TLE2: variants seen among roughly 807,000 people sequenced by gnomAD.
TLE2 encodes the protein TLE family member 2, transcriptional corepressor.
In TLE2, 74 loss-of-function variants were observed where a neutral mutation model predicts 97.2. That is an observed-to-expected ratio of 0.76 (90% CI 0.63 to 0.92). The LOEUF (loss-of-function observed/expected upper bound fraction) is 0.92, where lower values mean the gene tolerates loss of function less well. Ranked by LOEUF, TLE2 falls within the 40% of genes least tolerant of loss-of-function variation. TLE2 has a pLI of 0.00. For synonymous variants in TLE2, 499 were observed against 432.1 expected (o/e 1.15, Z -1.92); for missense variants, 1,038 against 1,008.7 (o/e 1.03, Z -0.39).
At chr19:3,006,769 T>C in intron 14 of TLE2, 100 bp from the exon 15 acceptor site, 1 of 1,451,872 alleles carries the variant, frequency 6.9e-7, no homozygotes, top group South Asian at 1.5e-5. Context: ...TGGCACCCTC[T>C]GATGTGTTTT....
intron 5 of TLE2, among the ~76,000 whole-genome samples, chr19:3,024,115 C>T (rs1009521913): frequency 2.0e-5 from 3 of 151,238 alleles, no homozygotes; most frequent in Admixed American, 6.6e-5. Context: ...ATTCTCCTGC[C>T]TCAGCCTCCC....
chr19:3,005,762 G>A lies in TLE2; in HGVS notation c.1707C>T (p.Gly569=), dbSNP rs376643500. ...TCTGCAGGTCCCAGACCACAATGTT[G>A]CCATCGCTGCAGCAGGAGAAGCAAA... is the stretch of plus-strand genomic sequence containing the variant. ...AKVCFSCCSD[G]NIVVWDLQNQ... is the part of the protein sequence containing the mutation. The change falls in exon 16 of 20, where the codon GGC becomes GGT. Residue 569 remains glycine (G), a synonymous_variant. Transcript: ENST00000262953. 4 of 1,613,836 alleles carry A rather than the reference G, an allele frequency of 2.5e-6. No homozygotes were observed. The highest frequency in any genetic ancestry group is 3.4e-6 in the Non-Finnish European group (4 of 1,179,876).
In TLE2 at chr19:3,002,345, A is replaced by C; in HGVS notation, c.2047+8T>G. On this transcript the variant is annotated splice_region_variant and intron_variant, in intron 18 of 19. Coordinates refer to ENST00000262953, the MANE Select transcript of TLE2 (RefSeq NM_003260.5). Reference sequence around the variant, plus strand: ...TGAGGGCGTGCCACCCCGCCCCAGAAGACACACCGCAGGAGGCAAACTTCA... The same window carrying C: ...TGAGGGCGTGCCACCCCGCCCCAGACGACACACCGCAGGAGGCAAACTTCA... 1 of 1,603,364 alleles carries C rather than the reference A, an allele frequency of 6.2e-7. No individual in the cohort carries two copies. The highest frequency in any genetic ancestry group is 8.5e-7 in the Non-Finnish European group (1 of 1,173,338).
chr19:3,018,820 G>T (rs568307362), intron 7 of TLE2, among the ~76,000 whole-genome samples: 42 of 151,838 alleles, frequency 2.8e-4, no homozygotes, highest in East Asian at 7.8e-4. Context: ...GTTTTCCCAT[G>T]TTGGCCAGGC....
At chr19:3,004,740 A>G (rs1480469592) in intron 17 of TLE2, among the ~76,000 whole-genome samples, 3 of 152,082 alleles carry the variant, frequency 2.0e-5, no homozygotes, top group Admixed American at 2.0e-4. Context: ...CAGAAAGAAG[A>G]GAAAGGCATT....
At chr19:3,029,283 G>GGAGCCGCGGGCT (rs1346059179), upstream of TLE2, 2 of 211,978 alleles carry the variant, frequency 9.4e-6, no homozygotes, top group African/African-American at 4.8e-5. Flanking sequence ...GGCTCGGCCG[G>GGAGCCGCGGGCT]GAGCCGCGGG....
rs1340594100 is a variant in TLE2, at chr19:3,015,892, T to G, written c.571-132A>C. ...GACCTCAAGCTTCCCATCTGGGAAATGGGAGCTTCCAACGGCTGACTCAGT... is the reference window on the plus strand; with the variant it reads ...GACCTCAAGCTTCCCATCTGGGAAAGGGGAGCTTCCAACGGCTGACTCAGT... On this transcript the variant is annotated intron_variant, in intron 8 of 19. Transcript: ENST00000262953. 5 of 729,912 alleles carry G rather than the reference T, an allele frequency of 6.9e-6. No individual in the cohort carries two copies. In the Admixed American group the frequency reaches 1.0e-4, roughly 15 times the overall value. 45.2% of individuals were successfully genotyped at this position (729,912 alleles called of 1,614,324 possible).
At chr19:3,006,287 TCCGCCCCTCACCTATAAGCC>T in intron 15 of TLE2, 113 bp downstream of exon 15, 1 of 1,390,068 alleles carries the variant, frequency 7.2e-7, no homozygotes, top group South Asian at 1.3e-5. Context: ...GACTACGAGC[TCCGCCCCTCACCTATAAGCC>T]CCGCCCTTCA....
rs1488062486 is a variant in TLE2, at chr19:3,013,760, C to T, written c.782G>A (p.Cys261Tyr). ...ATTPCGKVPI[C>Y]IPARRDLVDS... ...CACCAGGTCCCGACGGGCAGGAATGCAGATGGGTACCTTTCCGCAGGGGGT... is the reference window on the plus strand; with the variant it reads ...CACCAGGTCCCGACGGGCAGGAATGTAGATGGGTACCTTTCCGCAGGGGGT... The change falls in exon 11 of 20, where the codon TGC becomes TAC. Residue 261 changes from cysteine to tyrosine, a missense_variant. Coordinates refer to ENST00000262953, the MANE Select transcript of TLE2 (RefSeq NM_003260.5). 1 of 1,561,762 alleles carries T rather than the reference C, an allele frequency of 6.4e-7. No homozygotes were observed. The highest frequency in any genetic ancestry group is 2.5e-5 in the East Asian group (1 of 39,316).
chr19:3,031,675 C>T (rs1346604500), upstream of TLE2, among the ~76,000 whole-genome samples: 1 of 152,128 alleles, frequency 6.6e-6, no homozygotes, highest in Non-Finnish European at 1.5e-5. Context: ...CCCTCACTCA[C>T]TCTGCCCAAG....
rs200647783 is a variant in TLE2 at position 2,997,868 on chromosome 19, C to T, written c.2212G>A (p.Val738Met). 6.2e-5 allele frequency: 100 copies of T among 1,610,188 alleles called. No homozygotes were observed. In the African/African-American group the frequency reaches 1.1e-3, roughly 17 times the overall value. The change falls in exon 20 of 20, where the codon GTG (valine) becomes ATG (methionine). Residue 738 changes from valine to methionine, a missense_variant. By Grantham distance (21) the Val-to-Met change is conservative. Transcript: ENST00000262953. ...VTGSGDKKAT[V>M]YEVVY Reference sequence around the variant, plus strand: ...ATGTCTCAGTAGACCACCTCATACACGGTGGCCTTCTTGTCCCCCGAGCCT... The same window carrying T: ...ATGTCTCAGTAGACCACCTCATACATGGTGGCCTTCTTGTCCCCCGAGCCT...
intron 1 of TLE2, among the ~76,000 whole-genome samples, chr19:3,034,734 T>G (rs1280897453): frequency 1.3e-5 from 2 of 151,922 alleles, no homozygotes; most frequent in Non-Finnish European, 2.9e-5. Context: ...TGCTTGGTGT[T>G]GGTGGATAAA....
At chr19:3,038,213 C>A (rs1599255258) in intron 1 of TLE2, among the ~76,000 whole-genome samples, 1 of 152,032 alleles carries the variant, frequency 6.6e-6, no homozygotes, top group African/African-American at 2.4e-5. Flanking sequence ...TTATTTTGTC[C>A]TTATTATTAT....
intron 4 of TLE2, chr19:3,025,527 T>G: frequency 1.0e-6 from 1 of 994,518 alleles, no homozygotes; most frequent in Non-Finnish European, 1.2e-6. Flanking sequence ...CCTTTCTTGG[T>G]CTCCTCCGCT....
At chr19:3,036,233 G>A (rs973546720) in intron 1 of TLE2, among the ~76,000 whole-genome samples, 1 of 152,198 alleles carries the variant, frequency 6.6e-6, no homozygotes, top group Non-Finnish European at 1.5e-5. Context: ...CGTGGAAGCT[G>A]GAGGAGAGCA....
chr19:3,042,072 AGGGGATTGCGGGGAGTAG>A (rs1355196165), intron 1 of TLE2, among the ~76,000 whole-genome samples: 2 of 149,712 alleles, frequency 1.3e-5, no homozygotes, highest in African/African-American at 4.9e-5. Flanking sequence ...CAGGGGAGTG[AGGGGATTGCGGGGAGTAG>A]GGGGAGCGCA....
At chr19:3,014,009 C>T (rs1316038767) in intron 10 of TLE2, among the ~76,000 whole-genome samples, 191 bp from the exon 11 acceptor site, 1 of 149,368 alleles carries the variant, frequency 6.7e-6, no homozygotes, top group Admixed American at 6.7e-5. Flanking sequence ...TTTTGAGTCT[C>T]GCTCCGTTAC....
rs373306796 is a variant in TLE2, at chr19:3,019,308, C to G, written c.525G>C (p.Ala175=). The G allele has an allele frequency of 6.3e-7, 1 of 1,577,736 alleles. No homozygotes were observed. Among genetic ancestry groups the G allele is most frequent in the Non-Finnish European group, 8.5e-7 (1 of 1,170,138 alleles). The change falls in exon 7 of 20, where the codon GCG becomes GCC. Residue 175 remains alanine, a synonymous_variant. Transcript: ENST00000262953. This position sits in a 1 kb window ranked among gnomAD's most constrained non-coding sequence, Gnocchi z 5.1. ...CTCTGGACCCCTCGGCCTCCACGCC[C>G]GCACGGTCCTCCTTGACAGCCGCCG... ...QLAAAVKEDR[A]GVEAEGSRVE... is the part of the protein sequence containing the mutation.
chr19:3,047,069 C>T (rs187713247), upstream of TLE2, among the ~76,000 whole-genome samples: 3 of 57,498 alleles, frequency 5.2e-5, no homozygotes, highest in Admixed American at 1.5e-4. Flanking sequence ...CCTCCCTCCC[C>T]CTCCCTCCAC....
Sources: allele counts gnomAD v4.1 joint callset (sites outside exome capture counted in the v4.1 genomes callset), GRCh38; gene constraint gnomAD v4.1.1; non-coding constraint Gnocchi (gnomAD v3.1); transcripts MANE v1.5; gene names NCBI Gene and HGNC (gene_info 2026-07-23, HGNC 2026-07-21).